SNTG2: variants seen among roughly 807,000 people sequenced by gnomAD.
The protein encoded by SNTG2 is gamma-2-syntrophin.
SNTG2 carries 74 observed loss-of-function variants against 70.9 expected under a neutral mutation model. That is an observed-to-expected ratio of 1.04 (90% CI 0.86 to 1.27). SNTG2 has a LOEUF of 1.27. SNTG2 is among the 50% of genes most tolerant of loss of function. SNTG2 has a pLI of 0.00. For missense variants in SNTG2, 717 were observed against 690.7 expected, an observed-to-expected ratio of 1.04 and a Z score of -0.43; for synonymous variants, 278 against 273.8, an observed-to-expected ratio of 1.02 and a Z score of -0.15.
chr2:996,636 C>CTTGCTGA (rs933857117), intron 1 of SNTG2, among the ~76,000 whole-genome samples: 4 of 92,858 alleles, frequency 4.3e-5, no homozygotes, highest in African/African-American at 1.7e-4. Context: ...ACCAGTTTAG[C>CTTGCTGA]TTTGCTGATT....
At chr2:1,188,911 C>A (rs565167893) in intron 8 of SNTG2, among the ~76,000 whole-genome samples, 16 of 151,816 alleles carry the variant, frequency 1.1e-4, no homozygotes, top group East Asian at 5.8e-4. Flanking sequence ...CCATTAAAAT[C>A]AAAAATAAGA....
chr2:1,129,347 T>C (rs1479179397), intron 4 of SNTG2, among the ~76,000 whole-genome samples: 1 of 152,232 alleles, frequency 6.6e-6, no homozygotes, highest in Non-Finnish European at 1.5e-5. Flanking sequence ...CCTGCAAACA[T>C]GCTTTTGAAC....
At chr2:1,219,006 T>C (rs2148017429) in intron 9 of SNTG2, among the ~76,000 whole-genome samples, 1 of 152,316 alleles carries the variant, frequency 6.6e-6, no homozygotes, top group Middle Eastern at 3.4e-3. Context: ...CCAAATCTCA[T>C]GTTGAAATAT....
chr2:1,234,974 C>G (rs896532443), intron 9 of SNTG2, among the ~76,000 whole-genome samples: 2 of 152,246 alleles, frequency 1.3e-5, no homozygotes, highest in African/African-American at 2.4e-5. Context: ...CCCTGAGAAT[C>G]AGGAAATGCC....
chr2:1,062,270 C>T (rs1662874331), intron 1 of SNTG2, among the ~76,000 whole-genome samples: 1 of 152,082 alleles, frequency 6.6e-6, no homozygotes, highest in African/African-American at 2.4e-5. Flanking sequence ...CAGCCGTGCA[C>T]CAAGGATATA....
intron 7 of SNTG2, among the ~76,000 whole-genome samples, chr2:1,172,285 G>A (rs894308440): frequency 6.6e-6 from 1 of 152,162 alleles, no homozygotes; most frequent in Non-Finnish European, 1.5e-5. Flanking sequence ...GTGTTGGGAG[G>A]TCTCTGTTCC....
intron 6 of SNTG2, among the ~76,000 whole-genome samples, chr2:1,149,845 G>A (rs71339716): frequency 0.94 from 141,382 of 150,942 alleles, 66,341 homozygotes; most frequent in Non-Finnish European, 0.97. Flanking sequence ...CCGCCACCGC[G>A]CCTGGCTAAT....
intron 1 of SNTG2, among the ~76,000 whole-genome samples, chr2:963,916 TTTC>T (rs1301468347): frequency 6.6e-6 from 1 of 151,928 alleles, no homozygotes; most frequent in East Asian, 1.9e-4. Flanking sequence ...CTTCTTTTTG[TTTC>T]TTCTTTTTGT....
At chr2:1,289,841 A>G (rs1422130667) in intron 14 of SNTG2, among the ~76,000 whole-genome samples, 1 of 152,172 alleles carries the variant, frequency 6.6e-6, no homozygotes, top group East Asian at 1.9e-4. Flanking sequence ...CCCCGTCTCT[A>G]TGAATCTGAG....
At chr2:1,014,734 TG>T (rs1659830058) in intron 1 of SNTG2, among the ~76,000 whole-genome samples, 1 of 150,998 alleles carries the variant, frequency 6.6e-6, no homozygotes, top group African/African-American at 2.4e-5. Flanking sequence ...GGAATTTATA[TG>T]GGCAGAGAGA....
At position 1,083,634 on chromosome 2, in the gene SNTG2, C is replaced by T. The variant is rs4971432; in HGVS notation, c.189C>T (p.Gly63=). The T allele has an allele frequency of 0.76, 1,225,214 of 1,613,256 alleles. 468,238 individuals are homozygous for T. Among genetic ancestry groups the T allele is most frequent in the Admixed American group, 0.8 (48,055 of 59,992 alleles). ...TIQKQDVVCV[G]GSHQGRNRRT... ...AGAAACAAGATGTTGTCTGTGTGGG[C>T]GGAAGCCACCAGGGCAGGAATGTAA... The change falls in exon 2 of 17, where the codon GGC becomes GGT. Residue 63 remains glycine (G), a synonymous_variant. Transcript: ENST00000308624.
At chr2:1,159,455 C>T (rs1191968497) in intron 6 of SNTG2, 1 of 152,004 alleles carries the variant, frequency 6.6e-6, no homozygotes, top group South Asian at 2.1e-4. Flanking sequence ...TTAAAAATAT[C>T]CACACTTCTG....
At chr2:1,167,258 A>G (rs6739070) in intron 7 of SNTG2, among the ~76,000 whole-genome samples, 1 of 128,056 alleles carries the variant, frequency 7.8e-6, no homozygotes, top group African/African-American at 2.9e-5. Flanking sequence ...AACTGAAACC[A>G]ACAAGCCGCC....
At chr2:1,323,509 C>CTCCCCCCA in intron 16 of SNTG2, among the ~76,000 whole-genome samples, 1 of 114,690 alleles carries the variant, frequency 8.7e-6, no homozygotes, top group East Asian at 4.3e-4. Flanking sequence ...TGGCTGAGAC[C>CTCCCCCCA]CCCTGTAGGC....
intron 9 of SNTG2, among the ~76,000 whole-genome samples, chr2:1,218,048 T>G (rs1346549135): frequency 6.6e-6 from 1 of 151,996 alleles, no homozygotes; most frequent in Non-Finnish European, 1.5e-5. Context: ...TTTATAGGAC[T>G]CAGTTCCCCA....
chr2:1,335,524 G>A (rs1223358056), intron 16 of SNTG2, among the ~76,000 whole-genome samples: 1 of 152,210 alleles, frequency 6.6e-6, no homozygotes, highest in Non-Finnish European at 1.5e-5. Flanking sequence ...ATGTAGGTAA[G>A]TAAAGCCAGT....
intron 8 of SNTG2, among the ~76,000 whole-genome samples, chr2:1,185,323 A>G (rs1425494900): frequency 6.6e-6 from 1 of 152,100 alleles, no homozygotes; most frequent in Non-Finnish European, 1.5e-5. Context: ...CTGTCAGTAG[A>G]TCTATCATTC....
chr2:1,188,831 A>C (rs760702387), intron 8 of SNTG2, among the ~76,000 whole-genome samples: 4 of 152,176 alleles, frequency 2.6e-5, no homozygotes, highest in African/African-American at 9.6e-5. Context: ...ACACATGGGC[A>C]TAGTAGTTTA....
At chr2:1,196,537 C>G (rs759910896) in intron 8 of SNTG2, among the ~76,000 whole-genome samples, 86 of 152,212 alleles carry the variant, frequency 5.7e-4, no homozygotes, top group Non-Finnish European at 1.0e-3. Context: ...AATCACCAAA[C>G]AGAATCAACC....
Sources: allele counts gnomAD v4.1 joint callset (sites outside exome capture counted in the v4.1 genomes callset), GRCh38; gene constraint gnomAD v4.1.1; transcripts MANE v1.5; gene names NCBI Gene and HGNC (gene_info 2026-07-23, HGNC 2026-07-21).